ERC1: variants seen among roughly 807,000 people sequenced by gnomAD.
The protein encoded by ERC1 is ELKS/RAB6-interacting/CAST family member 1, also known as RAB6 interacting protein 2.
ERC1 carries 56 observed loss-of-function variants against 132.0 expected under a neutral mutation model. That is an observed-to-expected ratio of 0.42 (90% confidence interval 0.34 to 0.53). The LOEUF (loss-of-function observed/expected upper bound fraction) is 0.53. ERC1 is among the 20% of genes least tolerant of loss of function. The pLI is 0.03. For synonymous variants in ERC1, 478 were observed against 476.1 expected, an observed-to-expected ratio of 1.00 and a Z score of -0.05; for missense variants, 1,202 against 1,349.9, an observed-to-expected ratio of 0.89 and a Z score of 1.72.
chr12:1,267,105 C>T (rs557230769), intron 14 of ERC1, among the ~76,000 whole-genome samples: 9 of 152,336 alleles, frequency 5.9e-5, no homozygotes, highest in Middle Eastern at 3.4e-3. Context: ...TGCTGCCCCA[C>T]GCTGAGCCCA....
chr12:1,396,333 G>A (rs759235188), intron 16 of ERC1, among the ~76,000 whole-genome samples: 5 of 152,064 alleles, frequency 3.3e-5, no homozygotes, highest in Non-Finnish European at 7.4e-5. Flanking sequence ...AATATATGTC[G>A]TCCTTAATCG....
At chr12:1,304,800 T>C (rs1444704469) in intron 15 of ERC1, among the ~76,000 whole-genome samples, 1 of 132,126 alleles carries the variant, frequency 7.6e-6, no homozygotes. Context: ...TTTTTTTTTT[T>C]TTTTTTTGAG....
At chr12:1,016,110 CAG>C (rs1201756388) in intron 1 of ERC1, among the ~76,000 whole-genome samples, 2 of 149,840 alleles carry the variant, frequency 1.3e-5, no homozygotes. Flanking sequence ...AGATTTATGT[CAG>C]AATTTCACAT....
rs551437029 is a variant in ERC1, at chr12:1,474,791, G to A, written c.3214-15302G>A. ...GCCAGTCGTAACCATGCTTTTGTCT[G>A]CCATATGCTTGGAGAGCCTCATCTC... is the stretch of plus-strand genomic sequence containing the variant. On this transcript the variant is annotated intron_variant, in intron 18 of 18. Coordinates refer to ENST00000360905, the MANE Select transcript of ERC1 (RefSeq NM_178040.4). 5.2e-4 allele frequency among the ~76,000 whole-genome samples: 79 copies of A among 152,278 alleles called. 1 individual carries two copies. The highest frequency in any genetic ancestry group is 1.0e-3 in the South Asian group (5 of 4,828).
chr12:1,196,859 A>ACTCT (rs1196181216), intron 12 of ERC1, among the ~76,000 whole-genome samples: 3 of 33,560 alleles, frequency 8.9e-5, no homozygotes, highest in South Asian at 8.5e-4. Context: ...TCTCTCTCTC[A>ACTCT]CTCTCTCTCT....
chr12:1,263,023 T>C lies in ERC1; in HGVS notation c.2488-11T>C, dbSNP rs1225770045. ...TTAATCCACTTCACCTAGTCTTCCA[T>C]CATTTTCTAGGACAGTCTCCGTAAG... is the stretch of plus-strand genomic sequence containing the variant. On this transcript the variant is annotated splice_polypyrimidine_tract_variant and intron_variant, in intron 13 of 18. Transcript: ENST00000360905. 1 of 1,613,312 alleles carries C rather than the reference T, an allele frequency of 6.2e-7. No individual in the cohort carries two copies. Among genetic ancestry groups the C allele is most frequent in the East Asian group, 2.2e-5 (1 of 44,858 alleles).
At chr12:1,482,155 TGAA>T (rs904724524) in intron 18 of ERC1, among the ~76,000 whole-genome samples, 1 of 152,158 alleles carries the variant, frequency 6.6e-6, no homozygotes, top group Non-Finnish European at 1.5e-5. Flanking sequence ...TTGTCTCTCT[TGAA>T]GAGCTGGAAT....
chr12:1,489,799 C>G (rs1205242125), intron 18 of ERC1, among the ~76,000 whole-genome samples: 2 of 152,300 alleles, frequency 1.3e-5, no homozygotes, highest in Middle Eastern at 3.4e-3. Flanking sequence ...CATGCACGTT[C>G]ATGAGCCTGT....
At chr12:1,401,851 A>G (rs191358824) in intron 16 of ERC1, among the ~76,000 whole-genome samples, 2 of 152,280 alleles carry the variant, frequency 1.3e-5, no homozygotes, top group African/African-American at 4.8e-5. Context: ...AAGTTAACGT[A>G]TATGAAAGGA....
At chr12:1,335,919 T>C (rs1332537228) in intron 15 of ERC1, among the ~76,000 whole-genome samples, 1 of 152,032 alleles carries the variant, frequency 6.6e-6, no homozygotes, top group Non-Finnish European at 1.5e-5. Context: ...GGTTGGCTAT[T>C]TGTGGCTTCC....
intron 18 of ERC1, among the ~76,000 whole-genome samples, chr12:1,470,224 G>A (rs953059411): frequency 8.6e-5 from 13 of 152,026 alleles, no homozygotes; most frequent in African/African-American, 2.7e-4. Context: ...ACTGGAAATA[G>A]CAGAGTGCAA....
At chr12:1,241,132 A>G (rs538504390) in intron 13 of ERC1, among the ~76,000 whole-genome samples, 1 of 152,344 alleles carries the variant, frequency 6.6e-6, no homozygotes, top group African/African-American at 2.4e-5. Context: ...ACCAAAGATG[A>G]ACTAATTTAT....
rs1381546946 is a variant in ERC1, at chr12:1,289,893, A to G, written c.2661A>G (p.Glu887=). 1.9e-6 allele frequency: 3 copies of G among 1,613,904 alleles called. No individual in the cohort carries two copies. Among genetic ancestry groups the G allele is most frequent in the Non-Finnish European group, 2.5e-6 (3 of 1,179,794 alleles). ...TGGCCATGGAGAAGGTAAAGCAGGA[A>G]CTAGAATCCATGAAAGCAAAGCTGT... ...LLMAMEKVKQ[E]LESMKAKLSS... is the part of the protein sequence containing the mutation. Residue 887 remains glutamate, a synonymous_variant, in exon 15 of 19, where the codon GAA becomes GAG. Coordinates refer to ENST00000360905, the MANE Select transcript of ERC1 (RefSeq NM_178040.4).
chr12:1,303,964 A>AAAAAAAG (rs542448161), intron 15 of ERC1, among the ~76,000 whole-genome samples: 11,938 of 148,220 alleles, frequency 0.081, 710 homozygotes, highest in African/African-American at 0.14. Flanking sequence ...AGAAAAAAAA[A>AAAAAAAG]AAAAAAGAAT....
chr12:1,265,006 A>C (rs757094311), intron 14 of ERC1, among the ~76,000 whole-genome samples: 57 of 152,154 alleles, frequency 3.7e-4, no homozygotes, highest in Non-Finnish European at 7.5e-4. Context: ...GCTGAGAGAG[A>C]ATGAACTTTT....
intron 15 of ERC1, among the ~76,000 whole-genome samples, chr12:1,297,094 G>A (rs2080012206): frequency 6.6e-6 from 1 of 150,676 alleles, no homozygotes; most frequent in Non-Finnish European, 1.5e-5. Context: ...AAAAATAAAA[G>A]CAGCCTAAGA....
intron 17 of ERC1, among the ~76,000 whole-genome samples, chr12:1,411,666 G>A (rs1292064803): frequency 6.6e-6 from 1 of 152,190 alleles, no homozygotes; most frequent in Non-Finnish European, 1.5e-5. Flanking sequence ...TCATCATCAA[G>A]CATGTGAGAC....
At chr12:1,232,722 T>C (rs1252198631) in intron 12 of ERC1, among the ~76,000 whole-genome samples, 1 of 152,138 alleles carries the variant, frequency 6.6e-6, no homozygotes, top group Non-Finnish European at 1.5e-5. Flanking sequence ...TTTGTTGAGT[T>C]TCCTGATTTT....
chr12:1,076,849 A>G (rs1182238829), intron 2 of ERC1, among the ~76,000 whole-genome samples: 1 of 152,176 alleles, frequency 6.6e-6, no homozygotes, highest in African/African-American at 2.4e-5. Flanking sequence ...GGGTAAAAAG[A>G]TGACATTCCT....
Sources: gnomAD v4.1 joint callset for allele counts (sites outside exome capture counted in the v4.1 genomes callset) on GRCh38, gnomAD v4.1.1 for gene constraint, MANE v1.5 for transcripts, NCBI Gene and HGNC (gene_info 2026-07-23, HGNC 2026-07-21) for gene names.